PAFAH1B2: variants seen among roughly 807,000 people sequenced by gnomAD.
PAFAH1B2 encodes platelet-activating factor acetylhydrolase IB subunit alpha2.
Under a neutral mutation model 28.0 loss-of-function variants are expected in PAFAH1B2, and 8 were observed. The ratio of observed to expected loss-of-function variants is 0.29; its 90% confidence interval spans 0.17 to 0.52. PAFAH1B2 has a LOEUF of 0.52. PAFAH1B2 is among the 20% of genes least tolerant of loss of function. The pLI, the probability that PAFAH1B2 is intolerant of heterozygous loss-of-function variation, is 0.97. For missense variants in PAFAH1B2, 190 were observed against 282.6 expected, an observed-to-expected ratio of 0.67 and a Z score of 2.35; for synonymous variants, 104 against 103.2, an observed-to-expected ratio of 1.01 and a Z score of -0.05.
downstream of PAFAH1B2, chr11:117,171,571 A>G (rs1956650715): frequency 2.8e-6 from 2 of 726,786 alleles, no homozygotes; most frequent in Admixed American, 2.2e-5. Context: ...ACTACAGCAT[A>G]GAGGACATGA....
chr11:117,166,368 G>A (rs577543755), intron 5 of PAFAH1B2, among the ~76,000 whole-genome samples: 2 of 152,276 alleles, frequency 1.3e-5, no homozygotes, highest in South Asian at 4.1e-4. Flanking sequence ...TGCTCAATAA[G>A]CCTTCCATAT....
downstream of PAFAH1B2, among the ~76,000 whole-genome samples, chr11:117,177,336 C>G (rs2030038050): frequency 1.3e-5 from 2 of 152,072 alleles, no homozygotes; most frequent in Admixed American, 1.3e-4. Context: ...TTTTTTGGTA[C>G]TACTCTATAT....
At chr11:117,158,640 CT>C (rs11327233) in intron 2 of PAFAH1B2, among the ~76,000 whole-genome samples, 54,412 of 81,808 alleles carry the variant, frequency 0.67, 17,364 homozygotes, top group Non-Finnish European at 0.74. Context: ...AGTTTGTGGG[CT>C]TTTTTTTTTT....
chr11:117,161,375 T>G, intron 4 of PAFAH1B2, 114 bp downstream of exon 4: 1 of 618,776 alleles, frequency 1.6e-6, no homozygotes, highest in South Asian at 2.4e-5. Context: ...CACTATTTTT[T>G]TCGTGCCTCT....
At position 117,163,836 on chromosome 11, in the gene PAFAH1B2, G is replaced by A. The variant is rs775244470; in HGVS notation, c.355G>A (p.Glu119Lys). Reference sequence around the variant, plus strand: ...AGCAGAAGAAGTAGCAGGTGGGATCGAGGCCATTGTACAACTTATCAACAC... The same window carrying A: ...AGCAGAAGAAGTAGCAGGTGGGATCAAGGCCATTGTACAACTTATCAACAC... ...NTAEEVAGGI[E>K]AIVQLINTRQ... The change falls in exon 5 of 6, where the codon GAG becomes AAG. Residue 119 changes from glutamate to lysine, a missense_variant. Transcript: ENST00000527958. 4.3e-5 allele frequency: 70 copies of A among 1,613,866 alleles called. No individual in the cohort carries two copies. Among genetic ancestry groups the A allele is most frequent in the Non-Finnish European group, 5.3e-5 (63 of 1,179,938 alleles).
Position 117,160,727 on chromosome 11 carries a change from G to T in PAFAH1B2, c.172-418G>T, listed in dbSNP as rs765171786. On this transcript the variant is annotated intron_variant, in intron 3 of 5. Coordinates refer to ENST00000527958, the MANE Select transcript of PAFAH1B2 (RefSeq NM_002572.4). ...GTGCCTTGGCCTCACAGAGTGCTGG[G>T]ATTATAGGCATGGGCCACTGTGCCC... 5.6e-4 allele frequency among the ~76,000 whole-genome samples: 85 copies of T among 151,710 alleles called. 1 individual carries two copies. The highest frequency in any genetic ancestry group is 9.0e-4 in the Non-Finnish European group (61 of 68,016).
downstream of PAFAH1B2, among the ~76,000 whole-genome samples, chr11:117,174,166 G>T (rs1001435888): frequency 6.8e-5 from 5 of 73,302 alleles, no homozygotes; most frequent in East Asian, 6.0e-4. Context: ...CATGTCTTTT[G>T]TGTGTGTGTG....
At chr11:117,162,397 G>C (rs1044298682) in intron 4 of PAFAH1B2, among the ~76,000 whole-genome samples, 17 of 151,422 alleles carry the variant, frequency 1.1e-4, no homozygotes, top group African/African-American at 4.1e-4. Context: ...TCCCGCCCCG[G>C]CCTCCTAAAA....
At chr11:117,175,796 G>A (rs767662760), downstream of PAFAH1B2, 5 of 1,173,906 alleles carry the variant, frequency 4.3e-6, no homozygotes, top group East Asian at 2.6e-5. Context: ...ACTTAGAGTA[G>A]TGGTGCTTGC....
chr11:117,174,766 C>T, downstream of PAFAH1B2: 1 of 547,676 alleles, frequency 1.8e-6, no homozygotes, highest in Non-Finnish European at 3.1e-6. Context: ...GCGTGAGCCA[C>T]TGCACCTGAC....
At chr11:117,162,631 T>C (rs1249723992) in intron 4 of PAFAH1B2, among the ~76,000 whole-genome samples, 1 of 147,178 alleles carries the variant, frequency 6.8e-6, no homozygotes, top group African/African-American at 2.5e-5. Flanking sequence ...AAGCCAGGCA[T>C]GGTGTCACAC....
intron 4 of PAFAH1B2, among the ~76,000 whole-genome samples, chr11:117,163,461 C>T (rs545280642): frequency 1.3e-5 from 2 of 152,142 alleles, no homozygotes; most frequent in Non-Finnish European, 2.9e-5. Context: ...TACCTGAGGT[C>T]AGGAGTTTGA....
chr11:117,170,516 C>G lies in PAFAH1B2; in HGVS notation c.*2817C>G. 1 of 1,055,720 alleles carries G rather than the reference C, an allele frequency of 9.5e-7. No individual in the cohort carries two copies. Among genetic ancestry groups the G allele is most frequent in the South Asian group, 4.6e-5 (1 of 21,804 alleles). The allele number at this position is 1,055,720 out of a possible 1,614,324, so 65.4% of individuals were successfully genotyped here. A position where few individuals can be genotyped will look rare whatever the true frequency, so the allele number is the denominator to read the frequency against. ...CGCTCTGGCTACCACCGTGAGGCTA[C>G]TTGAACTGTCAGGGGCATCTGCCTA... On this transcript the variant is annotated 3_prime_UTR_variant, in exon 6 of 6. Transcript: ENST00000527958.
intron 1 of PAFAH1B2, among the ~76,000 whole-genome samples, chr11:117,148,983 T>TCC (rs1490721355): frequency 1.3e-5 from 2 of 150,004 alleles, no homozygotes; most frequent in Non-Finnish European, 3.0e-5. Flanking sequence ...TTCTCCTCCC[T>TCC]CAGCCTCCCA....
chr11:117,164,339 A>G (rs1233402391), intron 5 of PAFAH1B2, among the ~76,000 whole-genome samples: 1 of 152,076 alleles, frequency 6.6e-6, no homozygotes, highest in African/African-American at 2.4e-5. Flanking sequence ...CTTGGGAGGC[A>G]GAGCTTACAG....
chr11:117,152,134 A>G (rs140658893), intron 1 of PAFAH1B2, among the ~76,000 whole-genome samples: 13 of 152,346 alleles, frequency 8.5e-5, no homozygotes, highest in Non-Finnish European at 1.6e-4. Context: ...TTACAGTAAC[A>G]TATAATCACA....
rs1956172769 is a variant in PAFAH1B2, at chr11:117,152,423, A to G, written c.-7-18A>G. On this transcript the variant is annotated intron_variant, in intron 1 of 5. Coordinates refer to ENST00000527958, the MANE Select transcript of PAFAH1B2 (RefSeq NM_002572.4). Reference sequence around the variant, plus strand: ...TTCCTGTTAACAAATGAAACATGACATAGACGTTTTTTCTCAGGTGTAGAA... The same window carrying G: ...TTCCTGTTAACAAATGAAACATGACGTAGACGTTTTTTCTCAGGTGTAGAA... The G allele has an allele frequency of 3.3e-6, 5 of 1,506,486 alleles. No individual in the cohort carries two copies. Among genetic ancestry groups the G allele is most frequent in the Non-Finnish European group, 9.2e-7 (1 of 1,082,094 alleles). 93.3% of individuals were successfully genotyped at this position (1,506,486 alleles called of 1,614,324 possible).
chr11:117,156,220 T>C (rs1321208809), intron 2 of PAFAH1B2, among the ~76,000 whole-genome samples: 1 of 152,144 alleles, frequency 6.6e-6, no homozygotes, highest in African/African-American at 2.4e-5. Context: ...AAAGTTATGA[T>C]TATAAAAACT....
chr11:117,168,446 G>GTTTGGTGTTTT lies in PAFAH1B2; in HGVS notation c.*750_*751insGGTGTTTTTTT. 8.5e-6 allele frequency: 2 copies of GTTTGGTGTTTT among 234,814 alleles called. No individual in the cohort carries two copies. The highest frequency in any genetic ancestry group is 1.0e-5 in the Non-Finnish European group (2 of 200,702). The allele number at this position is 234,814 out of a possible 1,614,324, so 14.5% of individuals were successfully genotyped here. ...TCCCCTTCATTCCCCCCGCCACCCC[G>GTTTGGTGTTTT]TTTTTTTTTTTTTTTTTTTTTTTTT... On this transcript the variant is annotated 3_prime_UTR_variant, in exon 6 of 6. Transcript: ENST00000527958.
Sources: allele counts gnomAD v4.1 joint callset (sites outside exome capture counted in the v4.1 genomes callset), GRCh38; gene constraint gnomAD v4.1.1; transcripts MANE v1.5; gene names NCBI Gene and HGNC (gene_info 2026-07-23, HGNC 2026-07-21).